Variants in IMMP1L observed in about 807,000 individuals in gnomAD.
The protein encoded by IMMP1L is mitochondrial inner membrane protease subunit 1.
In IMMP1L, 24 loss-of-function variants were observed where a neutral mutation model predicts 21.8. The observed-to-expected ratio is 1.10, with a 90% CI of 0.80 to 1.55. The LOEUF (loss-of-function observed/expected upper bound fraction) is 1.55. Ranked by LOEUF, IMMP1L falls within the 40% of genes most tolerant of loss-of-function variation. IMMP1L has a pLI of 0.00. For synonymous variants in IMMP1L, 46 were observed against 62.8 expected (o/e 0.73, Z 1.26); for missense variants, 195 against 200.7 (o/e 0.97, Z 0.17).
chr11:31,470,213 A>C (rs1954495344), intron 1 of IMMP1L, among the ~76,000 whole-genome samples: 1 of 152,286 alleles, frequency 6.6e-6, no homozygotes, highest in East Asian at 1.9e-4. Flanking sequence ...CGGGAGTTCG[A>C]GAGCAGCCTA....
intron 4 of IMMP1L, among the ~76,000 whole-genome samples, chr11:31,446,432 C>T (rs1437750088): frequency 6.6e-6 from 1 of 152,144 alleles, no homozygotes; most frequent in Non-Finnish European, 1.5e-5. Flanking sequence ...CTGCTTGAAA[C>T]ATAAAAGGAA....
chr11:31,444,075 T>C (rs979915518), intron 4 of IMMP1L, among the ~76,000 whole-genome samples: 1 of 152,126 alleles, frequency 6.6e-6, no homozygotes, highest in Non-Finnish European at 1.5e-5. Flanking sequence ...AGGATAGTGG[T>C]TAAAAATACA....
At chr11:31,465,108 C>T (rs948748946) in intron 1 of IMMP1L, among the ~76,000 whole-genome samples, 1 of 151,972 alleles carries the variant, frequency 6.6e-6, no homozygotes. Flanking sequence ...GATACAAAGT[C>T]AACATACAAA....
At chr11:31,452,363 C>T (rs1194973416) in intron 4 of IMMP1L, 1 of 985,140 alleles carries the variant, frequency 1.0e-6, no homozygotes, top group Non-Finnish European at 1.2e-6. Flanking sequence ...GGCTTTATAA[C>T]AAAATTATAG....
Position 31,486,336 on chromosome 11 carries a change from T to C in IMMP1L, c.-29-23031A>G, listed in dbSNP as rs537173043. Among the ~76,000 whole-genome samples, 94 of 151,982 alleles carry C rather than the reference T, an allele frequency of 6.2e-4. 1 individual carries two copies. The highest frequency in any genetic ancestry group is 6.2e-3 in the Admixed American group (94 of 15,248). ...CTCTAGTCCTTAGTTTCTTCATCAG[T>C]AAAGTGAAGGAGTTATAGAAGGCAT... On this transcript the variant is annotated intron_variant, in intron 1 of 5. Transcript: ENST00000532287.
intron 4 of IMMP1L, among the ~76,000 whole-genome samples, chr11:31,449,956 C>G (rs1359234476): frequency 1.3e-5 from 2 of 152,124 alleles, no homozygotes; most frequent in African/African-American, 4.8e-5. Flanking sequence ...CTGAAATTTT[C>G]ATAATCATAT....
chr11:31,500,623 A>ACACG (rs1421333404), intron 1 of IMMP1L, among the ~76,000 whole-genome samples: 1 of 151,604 alleles, frequency 6.6e-6, no homozygotes, highest in African/African-American at 2.4e-5. Flanking sequence ...ACACACACAC[A>ACACG]CACACTCCCC....
At chr11:31,451,262 A>G (rs972612942) in intron 4 of IMMP1L, among the ~76,000 whole-genome samples, 1 of 152,150 alleles carries the variant, frequency 6.6e-6, no homozygotes, top group Non-Finnish European at 1.5e-5. Context: ...AAAAAGCATC[A>G]TCATCAAAAA....
At chr11:31,495,650 G>A (rs1388935415) in intron 1 of IMMP1L, among the ~76,000 whole-genome samples, 1 of 152,238 alleles carries the variant, frequency 6.6e-6, no homozygotes, top group South Asian at 2.1e-4. Context: ...AAGCAAAAAC[G>A]TGGTACTGGC....
chr11:31,461,526 G>A (rs1328944900), intron 2 of IMMP1L, among the ~76,000 whole-genome samples: 1 of 152,142 alleles, frequency 6.6e-6, no homozygotes, highest in Non-Finnish European at 1.5e-5. Flanking sequence ...TCTAAAATCT[G>A]AAATGTTCTG....
At chr11:31,444,491 G>A (rs1317740698) in intron 4 of IMMP1L, among the ~76,000 whole-genome samples, 1 of 151,860 alleles carries the variant, frequency 6.6e-6, no homozygotes, top group African/African-American at 2.4e-5. Context: ...CATTAATTAT[G>A]AGTAAGTACC....
At chr11:31,475,488 G>A (rs762899022) in intron 1 of IMMP1L, among the ~76,000 whole-genome samples, 1 of 152,112 alleles carries the variant, frequency 6.6e-6, no homozygotes, top group Non-Finnish European at 1.5e-5. Flanking sequence ...TCCCACTACA[G>A]CCTCCCAAGT....
chr11:31,448,892 T>C, intron 4 of IMMP1L: 1 of 968,418 alleles, frequency 1.0e-6, no homozygotes, highest in Non-Finnish European at 1.2e-6. Flanking sequence ...AAACAATGAG[T>C]GAAATTTATC....
chr11:31,466,224 A>C (rs1954339323), intron 1 of IMMP1L, among the ~76,000 whole-genome samples: 1 of 152,108 alleles, frequency 6.6e-6, no homozygotes, highest in Non-Finnish European at 1.5e-5. Context: ...ATCTTACCAC[A>C]GTTAGATTGA....
chr11:31,482,404 G>A (rs1364446423), intron 1 of IMMP1L, among the ~76,000 whole-genome samples: 1 of 151,972 alleles, frequency 6.6e-6, no homozygotes, highest in East Asian at 1.9e-4. Context: ...GCACTATTAA[G>A]AGAGTAAAAA....
chr11:31,442,197 A>G (rs1953355473), intron 4 of IMMP1L, among the ~76,000 whole-genome samples: 1 of 152,164 alleles, frequency 6.6e-6, no homozygotes, highest in African/African-American at 2.4e-5. Context: ...CTGAGCTATG[A>G]TAAAACCTAA....
intron 4 of IMMP1L, among the ~76,000 whole-genome samples, chr11:31,435,855 T>G (rs1953100744): frequency 6.6e-6 from 1 of 152,204 alleles, no homozygotes; most frequent in Admixed American, 6.5e-5. Flanking sequence ...AAAGGTCTCA[T>G]GGTTTCTTCT....
intron 1 of IMMP1L, among the ~76,000 whole-genome samples, chr11:31,464,886 C>A (rs961986690): frequency 1.3e-5 from 2 of 152,086 alleles, no homozygotes; most frequent in Non-Finnish European, 2.9e-5. Context: ...TGGAACAAGA[C>A]ACGGATGCCC....
At chr11:31,499,649 T>A (rs2133820811) in intron 1 of IMMP1L, among the ~76,000 whole-genome samples, 1 of 152,298 alleles carries the variant, frequency 6.6e-6, no homozygotes, top group East Asian at 1.9e-4. Context: ...AGCAGCATAT[T>A]TTTTATAACA....
Sources: allele counts gnomAD v4.1 joint callset (sites outside exome capture counted in the v4.1 genomes callset), GRCh38; gene constraint gnomAD v4.1.1; transcripts MANE v1.5; gene names NCBI Gene and HGNC (gene_info 2026-07-23, HGNC 2026-07-21).